The following GALK2 variants were observed in gnomAD, a reference collection of about 807,000 sequenced individuals.
GALK2 encodes N-acetylgalactosamine kinase.
GALK2 carries 36 observed loss-of-function variants against 52.4 expected under a neutral mutation model. That is an observed-to-expected ratio of 0.69 (90% confidence interval 0.53 to 0.91). The LOEUF (loss-of-function observed/expected upper bound fraction) is 0.91. Among genes scored for constraint, GALK2 ranks in the 40% least tolerant of loss-of-function variants. The pLI, the probability that GALK2 is intolerant of heterozygous loss-of-function variation, is 0.00. For missense variants in GALK2, 579 were observed against 559.1 expected, an observed-to-expected ratio of 1.04 and a Z score of -0.36; for synonymous variants, 176 against 199.1, an observed-to-expected ratio of 0.88 and a Z score of 0.98.
At chr15:49,297,894 G>T (rs1266314842) in intron 8 of GALK2, among the ~76,000 whole-genome samples, 1 of 151,214 alleles carries the variant, frequency 6.6e-6, no homozygotes, top group African/African-American at 2.4e-5. Context: ...GATTGCTTTG[G>T]CTATTTGGGC....
At chr15:49,366,681 C>G in intron 3 of GALK2, 1 of 1,512,174 alleles carries the variant, frequency 6.6e-7, no homozygotes, top group South Asian at 1.1e-5. Flanking sequence ...CGCTGCGGCC[C>G]CATCGGACTG....
chr15:49,286,900 A>G (rs1345844206), intron 7 of GALK2, among the ~76,000 whole-genome samples: 1 of 152,204 alleles, frequency 6.6e-6, no homozygotes, highest in African/African-American at 2.4e-5. Context: ...AAGTTTTATC[A>G]CGAAATTAGA....
At chr15:49,182,912 A>G (rs1196007405) in intron 1 of GALK2, among the ~76,000 whole-genome samples, 1 of 151,874 alleles carries the variant, frequency 6.6e-6, no homozygotes, top group Non-Finnish European at 1.5e-5. Flanking sequence ...GTTTGCAAAT[A>G]TTTTTTCTCA....
At chr15:49,314,873 C>G (rs1275536841) in intron 8 of GALK2, among the ~76,000 whole-genome samples, 1 of 152,194 alleles carries the variant, frequency 6.6e-6, no homozygotes. Context: ...AAGGAACCAG[C>G]CATGTGAAGA....
At chr15:49,177,046 A>G (rs2085516689) in intron 1 of GALK2, among the ~76,000 whole-genome samples, 1 of 152,034 alleles carries the variant, frequency 6.6e-6, no homozygotes, top group East Asian at 1.9e-4. Context: ...CAGCCATTTA[A>G]AAATTTTTAA....
At position 49,170,318 on chromosome 15, in the gene GALK2, G is replaced by A. The variant is rs1199727590; in HGVS notation, c.-5G>A. 1 of 1,583,566 alleles carries A rather than the reference G, an allele frequency of 6.3e-7. No homozygotes were observed. The highest frequency in any genetic ancestry group is 1.3e-5 in the African/African-American group (1 of 74,624). ...ACTACAGGAGAAAGAAGGATCTAGC[G>A]AAATATGGCTACAGAGAGCCCTGCT... is the stretch of plus-strand genomic sequence containing the variant. On this transcript the variant is annotated 5_prime_UTR_variant, in exon 1 of 10. Transcript: ENST00000560031.
intron 6 of GALK2, 69 bp downstream of exon 6, chr15:49,282,154 CCT>C: frequency 9.2e-7 from 1 of 1,087,896 alleles, no homozygotes; most frequent in Non-Finnish European, 1.4e-6. Flanking sequence ...AGAAGAAGGC[CCT>C]GAGAGCCCCA....
intron 5 of GALK2, among the ~76,000 whole-genome samples, chr15:49,243,857 T>G (rs536990577): frequency 2.6e-5 from 4 of 152,100 alleles, no homozygotes; most frequent in African/African-American, 9.6e-5. Context: ...GCATGGTGGC[T>G]CATGCCTGCA....
At chr15:49,309,445 T>G (rs1329241429) in intron 8 of GALK2, among the ~76,000 whole-genome samples, 7 of 152,114 alleles carry the variant, frequency 4.6e-5, no homozygotes, top group Non-Finnish European at 7.4e-5. Context: ...TTTCTTTAAT[T>G]TTTAGTTAAC....
At chr15:49,155,925 T>C (rs112146243) in exon 1 of GALK2, 2 of 1,538,572 alleles carry the variant, frequency 1.3e-6, no homozygotes, top group Non-Finnish European at 1.8e-6. Context: ...CTTGGGACTC[T>C]GGACGCATCT....
chr15:49,283,951 G>C (rs1252647529), intron 7 of GALK2, among the ~76,000 whole-genome samples: 2 of 152,152 alleles, frequency 1.3e-5, no homozygotes, highest in Non-Finnish European at 2.9e-5. Flanking sequence ...TTATATATGT[G>C]AAGCAGAATT....
At chr15:49,206,241 T>A (rs1566936254) in intron 2 of GALK2, among the ~76,000 whole-genome samples, 1 of 151,684 alleles carries the variant, frequency 6.6e-6, no homozygotes, top group African/African-American at 2.4e-5. Context: ...CCATATGAAT[T>A]TTTATTTATT....
chr15:49,225,779 G>A (rs900410613), intron 3 of GALK2, among the ~76,000 whole-genome samples: 4 of 152,252 alleles, frequency 2.6e-5, no homozygotes, highest in Admixed American at 2.6e-4. Flanking sequence ...GCCCTGAGCT[G>A]TTGGGACTGG....
intron 4 of GALK2, among the ~76,000 whole-genome samples, chr15:49,238,788 C>T (rs2090956593): frequency 6.6e-6 from 1 of 152,142 alleles, no homozygotes; most frequent in Non-Finnish European, 1.5e-5. Flanking sequence ...TTTATAATAA[C>T]AGAATGCTGG....
chr15:49,204,171 T>G (rs769553030), intron 2 of GALK2, among the ~76,000 whole-genome samples: 4 of 152,150 alleles, frequency 2.6e-5, no homozygotes, highest in Middle Eastern at 3.4e-3. Context: ...TTCTCTATTC[T>G]GTTCTATTGG....
intron 5 of GALK2, among the ~76,000 whole-genome samples, chr15:49,266,754 G>T (rs887833821): frequency 1.6e-4 from 25 of 152,188 alleles, no homozygotes; most frequent in African/African-American, 6.0e-4. Flanking sequence ...TTGGGTGGAT[G>T]GGAGATTGGG....
chr15:49,308,439 TAAAG>T lies in GALK2; in HGVS notation c.968-11163_968-11160del, dbSNP rs199556186. On this transcript the variant is annotated intron_variant, in intron 8 of 9. Coordinates refer to ENST00000560031, the MANE Select transcript of GALK2 (RefSeq NM_002044.4). Reference sequence around the variant, plus strand: ...AAAGATTAATTATACACGTACATGATAAAGATTTCCAGTTATCTCAGACCAGCAT... The same window carrying T: ...AAAGATTAATTATACACGTACATGATATTTCCAGTTATCTCAGACCAGCAT... 1.2e-4 allele frequency among the ~76,000 whole-genome samples: 18 copies of T among 152,320 alleles called. No homozygotes were observed. The East Asian group carries it at 3.1e-3, about 26-fold the overall frequency.
intron 5 of GALK2, among the ~76,000 whole-genome samples, chr15:49,258,829 T>TGTGTGAGA (rs1335491479): frequency 2.2e-4 from 27 of 124,108 alleles, no homozygotes; most frequent in African/African-American, 8.4e-4. Flanking sequence ...TGTGTGTGTG[T>TGTGTGAGA]GAGAGAGAGA....
At chr15:49,282,288 C>A (rs2032812829) in intron 6 of GALK2, among the ~76,000 whole-genome samples, 1 of 152,220 alleles carries the variant, frequency 6.6e-6, no homozygotes, top group Admixed American at 6.5e-5. Flanking sequence ...TTGCCTTTCT[C>A]TTACGCTTCC....
Sources: gnomAD v4.1 joint callset for allele counts (sites outside exome capture counted in the v4.1 genomes callset) on GRCh38, gnomAD v4.1.1 for gene constraint, MANE v1.5 for transcripts, NCBI Gene and HGNC (gene_info 2026-07-23, HGNC 2026-07-21) for gene names.